Variants in WDR25 observed in about 807,000 individuals in gnomAD.
The protein encoded by WDR25 is WD repeat-containing protein 25.
A neutral mutation model predicts 47.7 loss-of-function variants in WDR25; 35 were observed. The ratio of observed to expected loss-of-function variants is 0.73; its 90% CI spans 0.56 to 0.97. WDR25 has a LOEUF of 0.97. Ranked by LOEUF, WDR25 falls within the 50% of genes least tolerant of loss-of-function variation. The pLI is 0.00. For missense variants in WDR25, 634 were observed against 704.7 expected, an observed-to-expected ratio of 0.90 and a Z score of 1.14; for synonymous variants, 248 against 278.9, an observed-to-expected ratio of 0.89 and a Z score of 1.10.
intron 3 of WDR25, among the ~76,000 whole-genome samples, chr14:100,469,443 G>A (rs929587767): frequency 1.3e-5 from 2 of 152,164 alleles, no homozygotes; most frequent in Admixed American, 1.3e-4. Flanking sequence ...CATTTTAAAG[G>A]AGAGGAAACT....
rs2029973173 is a variant in WDR25 at position 100,523,709 on chromosome 14, A to G, written c.1102-2161A>G. 6.6e-6 allele frequency among the ~76,000 whole-genome samples: 1 copy of G among 152,040 alleles called. No homozygotes were observed. The highest frequency in any genetic ancestry group is 1.5e-5 in the Non-Finnish European group (1 of 67,998). On this transcript the variant is annotated intron_variant, in intron 4 of 6. Transcript: ENST00000402312. This position sits in a 1 kb window ranked among gnomAD's most constrained non-coding sequence, Gnocchi z 4.7. ...TTTGCTGGTGGGCCGAGTGGTGGGCAGATTGTAGGGACATAACCCCTGCAT... is the reference window on the plus strand; with the variant it reads ...TTTGCTGGTGGGCCGAGTGGTGGGCGGATTGTAGGGACATAACCCCTGCAT...
intron 2 of WDR25, among the ~76,000 whole-genome samples, chr14:100,385,446 A>G (rs1677394925): frequency 6.6e-6 from 1 of 152,246 alleles, no homozygotes; most frequent in African/African-American, 2.4e-5. Context: ...AAAACAACAC[A>G]GTCCAACTTA....
chr14:100,400,506 G>C (rs1897353429), intron 2 of WDR25, among the ~76,000 whole-genome samples: 1 of 152,212 alleles, frequency 6.6e-6, no homozygotes, highest in East Asian at 1.9e-4. Context: ...TTATATTTAA[G>C]TTAGTACTTA....
chr14:100,421,209 A>G (rs1025107184), intron 2 of WDR25, among the ~76,000 whole-genome samples: 3 of 152,184 alleles, frequency 2.0e-5, no homozygotes, highest in African/African-American at 7.2e-5. Context: ...ATAGTCTTTC[A>G]TCCCTGTGTT....
intron 2 of WDR25, among the ~76,000 whole-genome samples, chr14:100,401,996 C>A (rs1028026509): frequency 1.3e-5 from 2 of 152,238 alleles, no homozygotes; most frequent in African/African-American, 2.4e-5. Flanking sequence ...CTGCAAAGCA[C>A]TTTTGCTCAA....
At chr14:100,409,015 C>T (rs1339475218) in intron 2 of WDR25, among the ~76,000 whole-genome samples, 2 of 152,210 alleles carry the variant, frequency 1.3e-5, no homozygotes, top group African/African-American at 4.8e-5. Flanking sequence ...GTCGAGATAA[C>T]TGAGATCAGT....
chr14:100,513,441 A>T (rs1901378292), intron 4 of WDR25, among the ~76,000 whole-genome samples: 1 of 152,248 alleles, frequency 6.6e-6, no homozygotes, highest in Non-Finnish European at 1.5e-5. Flanking sequence ...ACTTCCCACC[A>T]TCCAGAAATG....
At chr14:100,519,731 A>AGT (rs201090296) in intron 4 of WDR25, among the ~76,000 whole-genome samples, 22 of 129,234 alleles carry the variant, frequency 1.7e-4, no homozygotes, top group African/African-American at 7.5e-4. Flanking sequence ...TACTATATAT[A>AGT]GTGTATATAT....
chr14:100,429,548 G>GA (rs1051303302), intron 2 of WDR25, among the ~76,000 whole-genome samples: 1 of 152,190 alleles, frequency 6.6e-6, no homozygotes, highest in African/African-American at 2.4e-5. Context: ...GAGAACGTCA[G>GA]AAAATCAAGG....
At chr14:100,464,594 T>G (rs1899539360) in intron 2 of WDR25, among the ~76,000 whole-genome samples, 1 of 151,644 alleles carries the variant, frequency 6.6e-6, no homozygotes, top group African/African-American at 2.4e-5. Context: ...GGAGAGCATT[T>G]TCCATCTCTC....
In WDR25 at chr14:100,529,023, T is replaced by C; in HGVS notation, c.1273-45T>C. The C allele has an allele frequency of 6.7e-7, 1 of 1,499,762 alleles. No individual in the cohort carries two copies. The highest frequency in any genetic ancestry group is 8.9e-7 in the Non-Finnish European group (1 of 1,121,892). The allele number at this position is 1,499,762 out of a possible 1,614,324, so 92.9% of individuals were successfully genotyped here. On this transcript the variant is annotated intron_variant, in intron 5 of 6. Coordinates refer to ENST00000402312, the MANE Select transcript of WDR25 (RefSeq NM_001161476.3). This position sits in a 1 kb window ranked among gnomAD's most constrained non-coding sequence, Gnocchi z 5.1. Reference sequence around the variant, plus strand: ...CCAGGCCCCAGAGCAGAGTGCCAGGTTGGGGGTGTCTTCTCTGACCCATTT... The same window carrying C: ...CCAGGCCCCAGAGCAGAGTGCCAGGCTGGGGGTGTCTTCTCTGACCCATTT...
chr14:100,381,630 C>G lies in WDR25; in HGVS notation c.706C>G (p.Arg236Gly). 1 of 1,608,010 alleles carries G rather than the reference C, an allele frequency of 6.2e-7. No homozygotes were observed. The highest frequency in any genetic ancestry group is 8.5e-7 in the Non-Finnish European group (1 of 1,175,254). Residue 236 changes from arginine (R) to glycine (G), a missense_variant, in exon 2 of 7, where the codon CGG becomes GGG. Physicochemically the swap from Arg to Gly is moderately radical, Grantham distance 125. Transcript: ENST00000402312. ...CCATTATAAAGAAACCACAGTTCCC[C>G]GGAAAGTGCTTTTCCACCTGAGAGG... ...NSHYKETTVP[R>G]KVLFHLRGHR...
At chr14:100,505,374 C>A (rs970590072) in intron 4 of WDR25, among the ~76,000 whole-genome samples, 1 of 152,100 alleles carries the variant, frequency 6.6e-6, no homozygotes, top group African/African-American at 2.4e-5. Flanking sequence ...GTTTTTGGAG[C>A]CTTGGTGGAA....
intron 2 of WDR25, among the ~76,000 whole-genome samples, chr14:100,445,892 C>G (rs962651331): frequency 6.6e-6 from 1 of 152,186 alleles, no homozygotes; most frequent in East Asian, 1.9e-4. Context: ...GTTTAGAACC[C>G]TGTGATTCCA....
chr14:100,419,127 C>T (rs1472591212), intron 2 of WDR25, among the ~76,000 whole-genome samples: 1 of 149,994 alleles, frequency 6.7e-6, no homozygotes, highest in African/African-American at 2.5e-5. Context: ...GAGGCTGAGG[C>T]AGGACAATTG....
At chr14:100,514,927 A>C (rs1380865295) in intron 4 of WDR25, among the ~76,000 whole-genome samples, 3 of 152,100 alleles carry the variant, frequency 2.0e-5, no homozygotes, top group Admixed American at 6.6e-5. Context: ...TTATTTGCCC[A>C]AAAAAATCTT....
intron 2 of WDR25, among the ~76,000 whole-genome samples, chr14:100,411,326 C>T (rs1897701687): frequency 6.6e-6 from 1 of 152,078 alleles, no homozygotes; most frequent in Non-Finnish European, 1.5e-5. Context: ...GCTCTTGGGT[C>T]ACAATTCCCT....
intron 4 of WDR25, among the ~76,000 whole-genome samples, chr14:100,491,283 G>A (rs185898312): frequency 2.2e-4 from 34 of 152,350 alleles, no homozygotes; most frequent in African/African-American, 7.7e-4. Context: ...AGTTGGTAGT[G>A]GGGCAAGACT....
chr14:100,473,012 G>T (rs1001472168), intron 3 of WDR25, among the ~76,000 whole-genome samples: 1 of 152,248 alleles, frequency 6.6e-6, no homozygotes. Flanking sequence ...AGCCAACTGG[G>T]ACTGGGCTCA....
Sources: gnomAD v4.1 joint callset for allele counts (sites outside exome capture counted in the v4.1 genomes callset) on GRCh38, gnomAD v4.1.1 for gene constraint, Gnocchi (gnomAD v3.1) non-coding constraint, MANE v1.5 for transcripts, NCBI Gene and HGNC (gene_info 2026-07-23, HGNC 2026-07-21) for gene names.